The following SCRIB variants were observed in gnomAD, a reference collection of about 807,000 sequenced individuals.
SCRIB encodes the protein scribble planar cell polarity protein, also known as protein scribble homolog.
SCRIB carries 72 observed loss-of-function variants against 170.0 expected under a neutral mutation model. The observed-to-expected ratio is 0.42, with a 90% CI of 0.35 to 0.52. SCRIB has a LOEUF of 0.52. Ranked by LOEUF, SCRIB falls within the 20% of genes least tolerant of loss-of-function variation. The pLI is 0.02. For missense variants in SCRIB, 2,475 were observed against 2,338.5 expected (o/e 1.06, Z -1.20); for synonymous variants, 1,298 against 1,044.3 (o/e 1.24, Z -4.68).
chr8:143,791,753 G>GC lies in SCRIB; in HGVS notation c.4696-14dup, dbSNP rs1563785855. The stretch of plus-strand genomic sequence containing the variant: ...TTCCAGACAAGGGCTTGAAAGGACA[G>GC]CGTGAGGGGAGAGGCAGAGAGTGAG... On this transcript the variant is annotated splice_polypyrimidine_tract_variant and intron_variant, in intron 34 of 36. Coordinates refer to ENST00000356994, the MANE Select transcript of SCRIB (RefSeq NM_182706.5). 1.3e-6 allele frequency: 2 copies of GC among 1,590,364 alleles called. No individual in the cohort carries two copies. Among genetic ancestry groups the GC allele is most frequent in the African/African-American group, 2.7e-5 (2 of 74,468 alleles).
Position 143,792,865 on chromosome 8 carries a change from G to A in SCRIB, c.4020C>T (p.Pro1340=), listed in dbSNP as rs782816669. The A allele has an allele frequency of 2.1e-5, 32 of 1,514,214 alleles. No homozygotes were observed. Among genetic ancestry groups the A allele is most frequent in the Non-Finnish European group, 2.6e-5 (30 of 1,136,018 alleles). 93.8% of individuals were successfully genotyped at this position (1,514,214 alleles called of 1,614,324 possible). ...GGGAGGCTGCAGGCCCAGGCGTGGGGGGCTGGGGGGAGCGGACCTTGAGGT... is the reference window on the plus strand; with the variant it reads ...GGGAGGCTGCAGGCCCAGGCGTGGGAGGCTGGGGGGAGCGGACCTTGAGGT... ...SHPPEDAPAQ[P]PTPGPAASPE... Residue 1340 remains proline (P), a splice_region_variant and synonymous_variant, in exon 30 of 37, where the codon CCC becomes CCT. Coordinates refer to ENST00000356994, the MANE Select transcript of SCRIB (RefSeq NM_182706.5).
Position 143,815,330 on chromosome 8 carries a change from C to A in SCRIB, c.43G>T (p.Glu15Ter). 1 of 1,562,362 alleles carries A rather than the reference C, an allele frequency of 6.4e-7. No individual in the cohort carries two copies. Among genetic ancestry groups the A allele is most frequent in the South Asian group, 1.2e-5 (1 of 85,606 alleles). Residue 15 changes from glutamate (E) to a stop codon, truncating the protein, a stop_gained, in exon 1 of 37, where the codon GAG becomes TAG. Transcript: ENST00000356994. LOFTEE classifies it high-confidence loss of function. ...IPLWRCNRHV[E>*]SVDKRHCSLQ... The stretch of plus-strand genomic sequence containing the variant: ...GAACAGTGCCGCTTGTCCACCGACT[C>A]CACGTGCCGGTTGCAGCGCCACAGC...
intron 24 of SCRIB, among the ~76,000 whole-genome samples, chr8:143,796,087 A>G (rs782701663): frequency 6.6e-6 from 1 of 152,072 alleles, no homozygotes; most frequent in South Asian, 2.1e-4. Context: ...TAGAAAGGAA[A>G]GGCACTCAGA....
chr8:143,808,699 C>T lies in SCRIB; in HGVS notation c.2025G>A (p.Glu675=), dbSNP rs773315771. Residue 675 remains glutamate, a synonymous_variant, in exon 15 of 37, where the codon GAG becomes GAA. Coordinates refer to ENST00000356994, the MANE Select transcript of SCRIB (RefSeq NM_182706.5). ...EEGSPQEEEE[E]EEEENRAEEE... ...CTTCAGCCCTGTTTTCCTCCTCCTCCTCTTCCTCCTCCTCCTGAGGACTAC... is the reference window on the plus strand; with the variant it reads ...CTTCAGCCCTGTTTTCCTCCTCCTCTTCTTCCTCCTCCTCCTGAGGACTAC... 3.9e-6 allele frequency: 6 copies of T among 1,553,192 alleles called. No homozygotes were observed. The East Asian group carries it at 6.8e-5, about 17-fold the overall frequency.
At position 143,792,371 on chromosome 8, in the gene SCRIB, C is replaced by T; in HGVS notation, c.4363G>A (p.Gly1455Ser). The T allele has an allele frequency of 6.6e-7, 1 of 1,526,242 alleles. No individual in the cohort carries two copies. Among genetic ancestry groups the T allele is most frequent in the East Asian group, 2.4e-5 (1 of 42,326 alleles). 94.5% of individuals were successfully genotyped at this position (1,526,242 alleles called of 1,614,324 possible). ...SPASPPPLGG[G>S]APVRTAKAER... is the part of the protein sequence containing the mutation. ...GCTTTGGCCGTCCGCACCGGGGCGC[C>T]ACCTCCCAGGGGTGGGGGGGACGCC... Residue 1455 changes from glycine to serine, a missense_variant, in exon 32 of 37, where the codon GGC becomes AGC. By Grantham distance (56) the Gly-to-Ser change is moderately conservative (BLOSUM62 0). Around this residue, in one of 3 missense-constraint regions of SCRIB, gnomAD observed 1,966 missense variants for 1,742.9 expected, o/e 1.13. Transcript: ENST00000356994.
chr8:143,813,552 C>T, intron 4 of SCRIB, 26 bp from the exon 5 acceptor site: 2 of 1,613,166 alleles, frequency 1.2e-6, no homozygotes, highest in East Asian at 2.2e-5. Context: ...GGCGCTGGGG[C>T]AAGAGGAAGG....
At chr8:143,803,605 G>A in intron 23 of SCRIB, 34 bp from the exon 24 acceptor site, 6 of 1,568,070 alleles carry the variant, frequency 3.8e-6, no homozygotes, top group Non-Finnish European at 5.2e-6. Flanking sequence ...GAGACCTGTT[G>A]GGGGGTGGGG....
chr8:143,805,214 G>T lies in SCRIB; in HGVS notation c.2568C>A (p.Pro856=). The T allele has an allele frequency of 1.3e-6, 2 of 1,555,664 alleles. No homozygotes were observed. The highest frequency in any genetic ancestry group is 1.7e-6 in the Non-Finnish European group (2 of 1,155,098). ...LPLLPPESPG[P]LRQRHVACLA... ...GGCAGGCCACGTGGCGCTGACGGAG[G>T]GGCCCGGGGCTCTCAGGCGGGAGCA... The change falls in exon 19 of 37, where the codon CCC becomes CCA. Residue 856 remains proline, a synonymous_variant. Transcript: ENST00000356994.
At chr8:143,814,657 T>G (rs1436889063) in intron 1 of SCRIB, among the ~76,000 whole-genome samples, 3 of 152,210 alleles carry the variant, frequency 2.0e-5, no homozygotes, top group Non-Finnish European at 4.4e-5. Context: ...CCCTAGGTAC[T>G]GATCACCCAG....
At chr8:143,810,432 A>C (rs1244222778) in intron 13 of SCRIB, 47 bp downstream of exon 13, 1 of 1,591,914 alleles carries the variant, frequency 6.3e-7, no homozygotes, top group South Asian at 1.1e-5. Context: ...GGACCACCAC[A>C]GCTCCCGGGT....
At chr8:143,810,391 G>A (rs909320338) in intron 13 of SCRIB, 88 bp downstream of exon 13, 7 of 1,534,368 alleles carry the variant, frequency 4.6e-6, no homozygotes, top group South Asian at 1.2e-5. Context: ...GTGCTGCCCT[G>A]GCCCTCACAG....
Position 143,803,241 on chromosome 8 carries a change from G to A in SCRIB, c.3603+142C>T, listed in dbSNP as rs571994462. On this transcript the variant is annotated intron_variant, in intron 24 of 36. Coordinates refer to ENST00000356994, the MANE Select transcript of SCRIB (RefSeq NM_182706.5). ...CCCTCCGCCCACAGCTCCCCAGCCC[G>A]CACGGCTGATGCAGAGCCGCAGAGC... 9.6e-5 allele frequency: 76 copies of A among 788,940 alleles called. No individual in the cohort carries two copies. The East Asian group carries it at 1.1e-3, about 12-fold the overall frequency. 48.9% of individuals were successfully genotyped at this position (788,940 alleles called of 1,614,324 possible).
chr8:143,814,660 T>C (rs1004097112), intron 1 of SCRIB, among the ~76,000 whole-genome samples: 2 of 152,164 alleles, frequency 1.3e-5, no homozygotes, highest in Non-Finnish European at 2.9e-5. Flanking sequence ...TAGGTACTGA[T>C]CACCCAGCAC....
chr8:143,792,039 C>T lies in SCRIB; in HGVS notation c.4609G>A (p.Ala1537Thr). 1 of 1,575,766 alleles carries T rather than the reference C, an allele frequency of 6.3e-7. No homozygotes were observed. Among genetic ancestry groups the T allele is most frequent in the Non-Finnish European group, 8.6e-7 (1 of 1,165,300 alleles). Reference protein sequence around the residue: ...RGTRGPLERLAEAPSPAPTPS... With the variant: ...RGTRGPLERLTEAPSPAPTPS... Reference sequence around the variant, plus strand: ...GTGGGCGCAGGGGAAGGGGCCTCGGCCAGTCGCTCCAGGGGCCCCCGCGTG... The same window carrying T: ...GTGGGCGCAGGGGAAGGGGCCTCGGTCAGTCGCTCCAGGGGCCCCCGCGTG... The change falls in exon 33 of 37, where the codon GCC (alanine) becomes ACC (threonine). Residue 1537 changes from alanine to threonine, a missense_variant. Coordinates refer to ENST00000356994, the MANE Select transcript of SCRIB (RefSeq NM_182706.5).
chr8:143,806,263 C>T (rs1399269329), intron 18 of SCRIB, 144 bp downstream of exon 18: 14 of 664,122 alleles, frequency 2.1e-5, no homozygotes, highest in Middle Eastern at 2.6e-4. Flanking sequence ...TTACAGGTTC[C>T]GTGGCTTCAC....
In SCRIB at chr8:143,803,713, G is replaced by A. The variant is rs374703708; in HGVS notation, c.3348C>T (p.Arg1116=). Residue 1116 remains arginine (R), a synonymous_variant, in exon 23 of 37, where the codon CGC becomes CGT. Coordinates refer to ENST00000356994, the MANE Select transcript of SCRIB (RefSeq NM_182706.5). ...TGCCAGCGTGGCCCCTGGCACCCCCGCGGATGCTGATGCCCAGCCTCTCCC... is the reference window on the plus strand; with the variant it reads ...TGCCAGCGTGGCCCCTGGCACCCCCACGGATGCTGATGCCCAGCCTCTCCC... ...APGERLGISI[R]GGARGHAGNP... The A allele has an allele frequency of 1.1e-5, 18 of 1,589,458 alleles. No homozygotes were observed. Among genetic ancestry groups the A allele is most frequent in the African/African-American group, 2.7e-5 (2 of 74,732 alleles).
chr8:143,809,048 G>A lies in SCRIB; in HGVS notation c.1699-23C>T, dbSNP rs370375748. 114 of 1,594,156 alleles carry A rather than the reference G, an allele frequency of 7.2e-5. 1 individual carries two copies. In the South Asian group the frequency reaches 1.3e-3, roughly 18 times the overall value. On this transcript the variant is annotated intron_variant, in intron 14 of 36. Coordinates refer to ENST00000356994, the MANE Select transcript of SCRIB (RefSeq NM_182706.5). ...GGGCTGTGCGGACAAAAGGGTGAGGGTGGCCCCAGCTCTGTGGCTGTGCTT... is the reference window on the plus strand; with the variant it reads ...GGGCTGTGCGGACAAAAGGGTGAGGATGGCCCCAGCTCTGTGGCTGTGCTT...
chr8:143,793,371 AGAG>A (rs1814798655), intron 28 of SCRIB: 1 of 317,890 alleles, frequency 3.1e-6, no homozygotes, highest in Non-Finnish European at 5.9e-6. Context: ...CGGCGGGGGC[AGAG>A]GAGAGCAGGA....
At chr8:143,812,505 A>G (rs1465857495) in intron 8 of SCRIB, 121 bp from the exon 9 acceptor site, 2 of 793,168 alleles carry the variant, frequency 2.5e-6, no homozygotes, top group East Asian at 5.3e-5. Context: ...CCGCCGCCGT[A>G]CTTCGGGAGG....
Sources: allele counts gnomAD v4.1 joint callset (sites outside exome capture counted in the v4.1 genomes callset), GRCh38; gene constraint gnomAD v4.1.1; regional missense constraint gnomAD v4.1.1; transcripts MANE v1.5; gene names NCBI Gene and HGNC (gene_info 2026-07-23, HGNC 2026-07-21).